The following RBM27 variants were observed in gnomAD, a reference collection of about 807,000 sequenced individuals.
The protein encoded by RBM27 is RNA-binding protein 27.
RBM27 carries 22 observed loss-of-function variants against 135.3 expected under a neutral mutation model. The observed-to-expected ratio is 0.16, with a 90% CI of 0.12 to 0.23. The LOEUF (loss-of-function observed/expected upper bound fraction) is 0.23, where lower values mean the gene tolerates loss of function less well. Among genes scored for constraint, RBM27 ranks in the 10% least tolerant of loss-of-function variants. The pLI is 1.00. For synonymous variants in RBM27, 481 were observed against 442.4 expected, an observed-to-expected ratio of 1.09 and a Z score of -1.10; for missense variants, 1,009 against 1,281.0, an observed-to-expected ratio of 0.79 and a Z score of 3.24.
chr5:146,286,972 A>G lies in RBM27; in HGVS notation c.*942A>G, dbSNP rs1018295640. On this transcript the variant is annotated 3_prime_UTR_variant, in exon 21 of 21. Coordinates refer to ENST00000265271, the MANE Select transcript of RBM27 (RefSeq NM_018989.2). The stretch of plus-strand genomic sequence containing the variant: ...ACCTGGATAAATAAGTGATGTTTTG[A>G]TGAGAATGATGGAAGGATTTTGGGG... 8 of 152,546 alleles carry G rather than the reference A, an allele frequency of 5.2e-5. No individual in the cohort carries two copies. Among genetic ancestry groups the G allele is most frequent in the Non-Finnish European group, 1.0e-4 (7 of 68,054 alleles). The allele number at this position is 152,546 out of a possible 1,614,324, so 9.4% of individuals were successfully genotyped here.
chr5:146,233,599 C>A lies in RBM27; in HGVS notation c.1000C>A (p.Pro334Thr), dbSNP rs768529948. 6.2e-7 allele frequency: 1 copy of A among 1,611,338 alleles called. No individual in the cohort carries two copies. The highest frequency in any genetic ancestry group is 1.1e-5 in the South Asian group (1 of 90,946). The part of the protein sequence containing the change: ...PPPPPPGMLM[P>T]PMPGPGPGPG... ...TCCACCACCTCCTGGAATGTTAATG[C>A]CTCCAATGCCAGGTCCAGGCCCAGG... The change falls in exon 7 of 21, where the codon CCT (proline) becomes ACT (threonine). Residue 334 changes from proline (P) to threonine (T), a missense_variant. Physicochemically the swap from Pro to Thr is conservative, Grantham distance 38. Around this residue, in one of 6 missense-constraint regions of RBM27, gnomAD observed 329 missense variants for 368.1 expected, o/e 0.89. Coordinates refer to ENST00000265271, the MANE Select transcript of RBM27 (RefSeq NM_018989.2).
At chr5:146,219,836 C>G (rs1756368768) in intron 2 of RBM27, among the ~76,000 whole-genome samples, 1 of 152,094 alleles carries the variant, frequency 6.6e-6, no homozygotes, top group Non-Finnish European at 1.5e-5. Flanking sequence ...TCCATCCACT[C>G]TCCTCCTTCC....
At position 146,251,727 on chromosome 5, in the gene RBM27, T is replaced by C; in HGVS notation, c.1296T>C (p.Ser432=). 1 of 1,611,312 alleles carries C rather than the reference T, an allele frequency of 6.2e-7. No individual in the cohort carries two copies. Among genetic ancestry groups the C allele is most frequent in the Non-Finnish European group, 8.5e-7 (1 of 1,177,442 alleles). ...CCTCTATAGGACAGCCCATGTACTC[T>C]CGTGAACATGGTGCTGCTGCATCTG... The part of the protein sequence containing the change: ...YTVSERQPMY[S]REHGAAASER... The change falls in exon 9 of 21, where the codon TCT becomes TCC. Residue 432 remains serine, a synonymous_variant. Coordinates refer to ENST00000265271, the MANE Select transcript of RBM27 (RefSeq NM_018989.2).
chr5:146,285,791 C>CTTT lies in RBM27; in HGVS notation c.3100-144_3100-142dup, dbSNP rs3062196. Reference sequence around the variant, plus strand: ...TATTCATTTACAAAAATATTTTGGGCTTTTTTTTTTTTTTGCCCTGAAAGA... The same window carrying CTTT: ...TATTCATTTACAAAAATATTTTGGGCTTTTTTTTTTTTTTTTTGCCCTGAAAGA... On this transcript the variant is annotated intron_variant, in intron 20 of 20. Coordinates refer to ENST00000265271, the MANE Select transcript of RBM27 (RefSeq NM_018989.2). Among the ~76,000 whole-genome samples, 850 of 136,772 alleles carry CTTT rather than the reference C, an allele frequency of 6.2e-3. 12 individuals are homozygous for CTTT. Among genetic ancestry groups the CTTT allele is most frequent in the African/African-American group, 0.021 (806 of 38,054 alleles). The allele number at this position is 136,772 out of a possible 152,430, so 89.7% of individuals were successfully genotyped here.
intron 13 of RBM27, among the ~76,000 whole-genome samples, chr5:146,262,931 C>A (rs1758459752): frequency 6.8e-6 from 1 of 146,418 alleles, no homozygotes; most frequent in African/African-American, 2.5e-5. Flanking sequence ...TGTCGTCATT[C>A]AGGCTAGAGT....
chr5:146,224,269 C>T (rs1756573182), intron 3 of RBM27, among the ~76,000 whole-genome samples: 1 of 152,026 alleles, frequency 6.6e-6, no homozygotes, highest in African/African-American at 2.4e-5. Flanking sequence ...AGTTTCTAGT[C>T]CAGTGCCTGG....
rs1756540772 is a variant in RBM27, at chr5:146,223,437, T to G, written c.213T>G (p.Ser71Arg). The G allele has an allele frequency of 6.2e-7, 1 of 1,608,916 alleles. No individual in the cohort carries two copies. The highest frequency in any genetic ancestry group is 1.3e-5 in the African/African-American group (1 of 74,460). The change falls in exon 3 of 21, where the codon AGT becomes AGG. Residue 71 changes from serine to arginine, a missense_variant. By Grantham distance (110) the Ser-to-Arg change is moderately radical. Transcript: ENST00000265271. The part of the protein sequence containing the change: ...TSGFVDKLFE[S>R]LYTKNYLPLL... ...GTTTTGTGGACAAACTATTTGAAAG[T>G]CTCTATACTAAGAACTACCTTCCAC... is the stretch of plus-strand genomic sequence containing the variant.
intron 19 of RBM27, among the ~76,000 whole-genome samples, chr5:146,272,044 A>G (rs1758888114): frequency 6.6e-6 from 1 of 152,274 alleles, no homozygotes; most frequent in South Asian, 2.1e-4. Context: ...TTCTGTATAT[A>G]GTGGCAACCA....
At chr5:146,226,956 AG>A (rs1202182209) in intron 3 of RBM27, among the ~76,000 whole-genome samples, 2 of 152,254 alleles carry the variant, frequency 1.3e-5, no homozygotes, top group Non-Finnish European at 2.9e-5. Context: ...AGAGTAGGAA[AG>A]GAGTCTGAGG....
Position 146,222,185 on chromosome 5 carries a change from C to T in RBM27, c.179-1218C>T, listed in dbSNP as rs142574916. 6.6e-5 allele frequency among the ~76,000 whole-genome samples: 10 copies of T among 152,108 alleles called. No homozygotes were observed. In the East Asian group the frequency reaches 1.7e-3, roughly 26 times the overall value. ...CAATGAGAGCTAACAGTTTTATAAT[C>T]GTGGAAAAATGCTTACTACACAAAT... On this transcript the variant is annotated intron_variant, in intron 2 of 20. Coordinates refer to ENST00000265271, the MANE Select transcript of RBM27 (RefSeq NM_018989.2).
chr5:146,285,919 A>G lies in RBM27; in HGVS notation c.3100-28A>G, dbSNP rs762284227. 1.9e-6 allele frequency: 3 copies of G among 1,558,268 alleles called. No homozygotes were observed. In the Admixed American group the frequency reaches 5.0e-5, roughly 26 times the overall value. ...TTTTACTTACCATTCTTGTGCCACT[A>G]AGCAGATTTTAACCTCTCTTTCTTC... On this transcript the variant is annotated intron_variant, in intron 20 of 20. Transcript: ENST00000265271.
rs1170833932 is a variant in RBM27, at chr5:146,237,366, C to A, written c.1213C>A (p.Leu405Ile). 6.2e-7 allele frequency: 1 copy of A among 1,614,082 alleles called. No individual in the cohort carries two copies. The highest frequency in any genetic ancestry group is 8.5e-7 in the Non-Finnish European group (1 of 1,179,930). ...GCCTGGGACAAGTGCAGTGCCCAAT[C>A]TTGCATCAGTGGGAACAAGACTACC... The part of the protein sequence containing the change: ...DQPGTSAVPN[L>I]ASVGTRLPPP... Residue 405 changes from leucine (L) to isoleucine (I), a missense_variant, in exon 8 of 21, where the codon CTT (leucine) becomes ATT (isoleucine). By Grantham distance (5) the Leu-to-Ile change is conservative. Around this residue, in one of 6 missense-constraint regions of RBM27, gnomAD observed 329 missense variants for 368.1 expected, o/e 0.89. Transcript: ENST00000265271.
intron 8 of RBM27, among the ~76,000 whole-genome samples, chr5:146,251,350 T>C (rs1035552828): frequency 6.6e-6 from 1 of 152,144 alleles, no homozygotes; most frequent in Non-Finnish European, 1.5e-5. Flanking sequence ...GCATATCTCA[T>C]TGGATAGAAA....
Position 146,237,289 on chromosome 5 carries a change from T to G in RBM27, c.1145-9T>G. The G allele has an allele frequency of 6.2e-7, 1 of 1,613,928 alleles. No individual in the cohort carries two copies. The highest frequency in any genetic ancestry group is 8.5e-7 in the Non-Finnish European group (1 of 1,179,918). On this transcript the variant is annotated splice_polypyrimidine_tract_variant and intron_variant, in intron 7 of 20. Transcript: ENST00000265271. Reference sequence around the variant, plus strand: ...GCTGTACTTTTCACTTTTTGTTGTCTGTATGTAGGACCACCTATAACACAA... The same window carrying G: ...GCTGTACTTTTCACTTTTTGTTGTCGGTATGTAGGACCACCTATAACACAA...
intron 1 of RBM27, among the ~76,000 whole-genome samples, chr5:146,209,488 A>G (rs1755847999): frequency 1.3e-5 from 2 of 152,170 alleles, no homozygotes; most frequent in Admixed American, 6.6e-5. Context: ...TTAATAGACT[A>G]AGTTTATTTT....
In RBM27 at chr5:146,233,483, A is replaced by G; in HGVS notation, c.884A>G (p.Gln295Arg). 1 of 1,590,594 alleles carries G rather than the reference A, an allele frequency of 6.3e-7. No individual in the cohort carries two copies. The highest frequency in any genetic ancestry group is 8.5e-7 in the Non-Finnish European group (1 of 1,170,294). ...TTTTGTGTACTTGGTGACCTTTGTC[A>G]GTTTGATCATGGAAATGATCCCCTA... The part of the protein sequence containing the change: ...RGFCVLGDLC[Q>R]FDHGNDPLVV... Residue 295 changes from glutamine (Q) to arginine (R), a missense_variant, in exon 7 of 21, where the codon CAG becomes CGG. Gln to Arg is a conservative substitution (Grantham distance 43). Around this residue, in one of 6 missense-constraint regions of RBM27, gnomAD observed 16 missense variants for 46.1 expected, o/e 0.35. Transcript: ENST00000265271.
At chr5:146,260,458 A>C (rs1758346888) in intron 11 of RBM27, among the ~76,000 whole-genome samples, 1 of 152,202 alleles carries the variant, frequency 6.6e-6, no homozygotes, top group Non-Finnish European at 1.5e-5. Context: ...CCCTGGGCTC[A>C]AGCAATCCTC....
intron 14 of RBM27, among the ~76,000 whole-genome samples, chr5:146,264,462 C>T (rs569095725): frequency 6.6e-5 from 10 of 152,118 alleles, no homozygotes; most frequent in Non-Finnish European, 1.3e-4. Context: ...AGCCACTGCA[C>T]CCGGCTGAAT....
chr5:146,259,416 A>G (rs1581212593), intron 11 of RBM27, among the ~76,000 whole-genome samples: 1 of 150,598 alleles, frequency 6.6e-6, no homozygotes, highest in South Asian at 2.1e-4. Context: ...AGGCAGGAGA[A>G]TCGCTGGAAC....
Sources: gnomAD v4.1 joint callset for allele counts (sites outside exome capture counted in the v4.1 genomes callset) on GRCh38, gnomAD v4.1.1 for gene constraint, gnomAD v4.1.1 regional missense constraint, MANE v1.5 for transcripts, NCBI Gene and HGNC (gene_info 2026-07-23, HGNC 2026-07-21) for gene names.